The following SORCS1 variants were observed in gnomAD, a reference collection of about 807,000 sequenced individuals.
SORCS1 encodes sortilin related VPS10 domain containing receptor 1, also known as VPS10 domain-containing receptor SorCS1.
A neutral mutation model predicts 146.1 loss-of-function variants in SORCS1; 60 were observed. The ratio of observed to expected loss-of-function variants is 0.41; its 90% CI spans 0.33 to 0.51. The LOEUF is 0.51. Among genes scored for constraint, SORCS1 ranks in the 20% least tolerant of loss-of-function variants. The pLI is 0.21. For synonymous variants in SORCS1, 637 were observed against 584.0 expected (o/e 1.09, Z -1.31); for missense variants, 1,352 against 1,487.6 (o/e 0.91, Z 1.50).
chr10:106,798,409 G>C (rs1312681757), intron 3 of SORCS1, among the ~76,000 whole-genome samples: 2 of 151,872 alleles, frequency 1.3e-5, no homozygotes, highest in African/African-American at 2.4e-5. Context: ...ATTTACATTA[G>C]GTATACCTCC....
At chr10:106,948,651 C>CT (rs959722903) in intron 2 of SORCS1, among the ~76,000 whole-genome samples, 2 of 147,960 alleles carry the variant, frequency 1.4e-5, no homozygotes, top group African/African-American at 5.0e-5. Context: ...GACCCTGTTT[C>CT]TTAAAAAAAA....
At chr10:106,773,600 G>A (rs878183) in intron 4 of SORCS1, among the ~76,000 whole-genome samples, 26,483 of 152,128 alleles carry the variant, frequency 0.17, 3,046 homozygotes, top group Non-Finnish European at 0.26. Flanking sequence ...AAACAGAGAG[G>A]TCAGTAGAAA....
At chr10:106,967,916 C>CA (rs1157663672) in intron 1 of SORCS1, among the ~76,000 whole-genome samples, 1 of 149,902 alleles carries the variant, frequency 6.7e-6, no homozygotes, top group African/African-American at 2.5e-5. Flanking sequence ...AAAAAAAAGA[C>CA]AAAAAATGCC....
chr10:106,885,874 A>G (rs1328704130), intron 2 of SORCS1, among the ~76,000 whole-genome samples: 1 of 152,042 alleles, frequency 6.6e-6, no homozygotes, highest in East Asian at 1.9e-4. Flanking sequence ...CTTGGCTCTC[A>G]TTCCCTTTTT....
intron 3 of SORCS1, among the ~76,000 whole-genome samples, chr10:106,823,649 G>C (rs1246345967): frequency 1.3e-5 from 2 of 152,198 alleles, no homozygotes; most frequent in Non-Finnish European, 2.9e-5. Context: ...GGGAGTATTA[G>C]ACATGGTCAA....
chr10:106,912,226 T>C (rs946805178), intron 2 of SORCS1, among the ~76,000 whole-genome samples: 2 of 152,058 alleles, frequency 1.3e-5, no homozygotes, highest in East Asian at 3.9e-4. Context: ...CTACTGAGCA[T>C]GGAGAAAAGT....
intron 21 of SORCS1, among the ~76,000 whole-genome samples, chr10:106,616,191 A>G (rs1847350221): frequency 6.6e-6 from 1 of 152,180 alleles, no homozygotes; most frequent in African/African-American, 2.4e-5. Context: ...GATAAGGCCA[A>G]GATTTAAGGT....
At chr10:106,969,994 C>G (rs777718378) in intron 1 of SORCS1, 5 of 152,294 alleles carry the variant, frequency 3.3e-5, no homozygotes, top group Non-Finnish European at 7.3e-5. Context: ...GCTGCCAATA[C>G]TCTGTGACAC....
At chr10:107,082,455 C>T (rs1176471934) in intron 1 of SORCS1, among the ~76,000 whole-genome samples, 1 of 151,912 alleles carries the variant, frequency 6.6e-6, no homozygotes, top group African/African-American at 2.4e-5. Flanking sequence ...AGAAGTGGTG[C>T]TTCTCCTTTC....
At chr10:107,086,252 C>T (rs1963751655) in intron 1 of SORCS1, among the ~76,000 whole-genome samples, 1 of 152,082 alleles carries the variant, frequency 6.6e-6, no homozygotes, top group East Asian at 1.9e-4. Context: ...TGTGAATATA[C>T]AGATGCAAAA....
intron 1 of SORCS1, among the ~76,000 whole-genome samples, chr10:106,974,561 A>G (rs1312382403): frequency 6.6e-6 from 1 of 152,112 alleles, no homozygotes; most frequent in Admixed American, 6.5e-5. Flanking sequence ...ATGCAGGGTG[A>G]CCTTCACACG....
At chr10:106,723,279 G>A (rs1419988573) in intron 6 of SORCS1, among the ~76,000 whole-genome samples, 1 of 152,028 alleles carries the variant, frequency 6.6e-6, no homozygotes, top group Non-Finnish European at 1.5e-5. Context: ...TTTGGTCAAC[G>A]TTTTCTCTTT....
chr10:107,123,543 C>A (rs941750498), intron 1 of SORCS1, among the ~76,000 whole-genome samples: 5 of 152,220 alleles, frequency 3.3e-5, no homozygotes, highest in Non-Finnish European at 7.4e-5. Flanking sequence ...GTTAATGCTG[C>A]AAATATAAAC....
At chr10:106,910,272 G>A (rs538100386) in intron 2 of SORCS1, among the ~76,000 whole-genome samples, 1 of 145,400 alleles carries the variant, frequency 6.9e-6, no homozygotes, top group East Asian at 2.0e-4. Context: ...CTATGCCTCC[G>A]TCTCTTTACA....
intron 1 of SORCS1, among the ~76,000 whole-genome samples, chr10:107,100,439 G>T (rs111768473): frequency 6.6e-6 from 1 of 151,960 alleles, no homozygotes; most frequent in Non-Finnish European, 1.5e-5. Context: ...GTGTGAACCC[G>T]GGAGGCAGAG....
intron 10 of SORCS1, among the ~76,000 whole-genome samples, chr10:106,680,409 G>C (rs1182312774): frequency 6.6e-6 from 1 of 152,150 alleles, no homozygotes; most frequent in Non-Finnish European, 1.5e-5. Context: ...TGAGACCTTG[G>C]TCTCAGTTGT....
intron 1 of SORCS1, among the ~76,000 whole-genome samples, chr10:107,026,357 C>T (rs537630282): frequency 6.2e-4 from 94 of 152,272 alleles, no homozygotes; most frequent in Non-Finnish European, 9.6e-4. Flanking sequence ...TGGTGGCTCA[C>T]GCCTGTAACC....
In SORCS1 at chr10:106,607,152, T is replaced by G; in HGVS notation, c.3165+14A>C. 3 of 1,612,654 alleles carry G rather than the reference T, an allele frequency of 1.9e-6. No homozygotes were observed. The highest frequency in any genetic ancestry group is 2.5e-6 in the Non-Finnish European group (3 of 1,179,536). On this transcript the variant is annotated intron_variant, in intron 23 of 25. Coordinates refer to ENST00000263054, the MANE Select transcript of SORCS1 (RefSeq NM_052918.5). ...GGTTGAAGCTGAAAACGTCTCCTTT[T>G]CCAGGGGACTCACCTGCTCCAGGTC...
intron 1 of SORCS1, among the ~76,000 whole-genome samples, chr10:107,072,254 A>C (rs1387545024): frequency 1.3e-5 from 2 of 152,226 alleles, no homozygotes; most frequent in African/African-American, 4.8e-5. Flanking sequence ...CAAAGCAGGA[A>C]GGCTGCAGAG....
Sources: allele counts gnomAD v4.1 joint callset (sites outside exome capture counted in the v4.1 genomes callset), GRCh38; gene constraint gnomAD v4.1.1; transcripts MANE v1.5; gene names NCBI Gene and HGNC (gene_info 2026-07-23, HGNC 2026-07-21).